The following PRKG1 variants were observed in gnomAD, a reference collection of about 807,000 sequenced individuals.
The protein encoded by PRKG1 is cGMP-dependent protein kinase 1.
In PRKG1, 35 loss-of-function variants were observed where a neutral mutation model predicts 88.1. That is an observed-to-expected ratio of 0.40 (90% CI 0.30 to 0.53). The LOEUF is 0.53. Ranked by LOEUF, PRKG1 falls within the 20% of genes least tolerant of loss-of-function variation. The pLI is 0.59. For synonymous variants in PRKG1, 303 were observed against 292.5 expected (o/e 1.04, Z -0.37); for missense variants, 540 against 839.8 (o/e 0.64, Z 4.41).
intron 5 of PRKG1, among the ~76,000 whole-genome samples, chr10:52,017,449 G>A (rs1482585282): frequency 1.3e-5 from 2 of 152,098 alleles, no homozygotes; most frequent in East Asian, 1.9e-4. Flanking sequence ...GAGATGCCAG[G>A]GAAAGAAGAT....
rs956425209 is a variant in PRKG1, at chr10:51,744,549, T to G, written c.593-60036T>G. Among the ~76,000 whole-genome samples, 5 of 152,248 alleles carry G rather than the reference T, an allele frequency of 3.3e-5. No individual in the cohort carries two copies. The East Asian group carries it at 9.6e-4, about 29-fold the overall frequency. On this transcript the variant is annotated intron_variant, in intron 3 of 17. Coordinates refer to ENST00000373980, the MANE Select transcript of PRKG1 (RefSeq NM_006258.4). ...CTCTCAGTATAGCTTTGTCCTACCC[T>G]TACATAAGAATAGTGATAGTTTTTT...
intron 3 of PRKG1, among the ~76,000 whole-genome samples, chr10:51,566,330 A>C (rs976194712): frequency 3.3e-5 from 5 of 152,082 alleles, no homozygotes; most frequent in African/African-American, 7.2e-5. Context: ...ATGGGCCTGC[A>C]GCAAAGACTT....
At chr10:51,826,334 T>G (rs759380496) in intron 4 of PRKG1, among the ~76,000 whole-genome samples, 4 of 152,178 alleles carry the variant, frequency 2.6e-5, no homozygotes, top group Non-Finnish European at 4.4e-5. Context: ...ATGCTGTGCA[T>G]ACATTTTTAA....
intron 5 of PRKG1, among the ~76,000 whole-genome samples, chr10:52,033,195 C>T (rs946753315): frequency 6.6e-6 from 1 of 152,286 alleles, no homozygotes; most frequent in East Asian, 1.9e-4. Flanking sequence ...TTCAGATTCC[C>T]TTCCTCTTGA....
chr10:52,216,086 A>C (rs568470061), intron 9 of PRKG1, among the ~76,000 whole-genome samples: 1 of 152,340 alleles, frequency 6.6e-6, no homozygotes, highest in Admixed American at 6.5e-5. Flanking sequence ...TACTGAAGTA[A>C]GAAGAGAGCT....
chr10:51,047,642 A>G (rs1031203525), intron 1 of PRKG1, among the ~76,000 whole-genome samples: 2 of 148,922 alleles, frequency 1.3e-5, no homozygotes, highest in East Asian at 2.0e-4. Flanking sequence ...AAAAGAGGAG[A>G]TGTTGCATCA....
At chr10:51,718,834 G>A (rs1841946328) in intron 3 of PRKG1, among the ~76,000 whole-genome samples, 1 of 133,034 alleles carries the variant, frequency 7.5e-6, no homozygotes. Context: ...TAGTTAATGA[G>A]TGCAAAAAAA....
intron 5 of PRKG1, among the ~76,000 whole-genome samples, chr10:51,936,945 A>G (rs1361340270): frequency 6.7e-6 from 1 of 148,176 alleles, no homozygotes; most frequent in Non-Finnish European, 1.5e-5. Context: ...TCTTGGAGGA[A>G]TTGATATAGT....
chr10:51,201,848 T>C (rs934709535), intron 2 of PRKG1, among the ~76,000 whole-genome samples: 3 of 152,234 alleles, frequency 2.0e-5, no homozygotes, highest in Non-Finnish European at 4.4e-5. Flanking sequence ...GAAATAAATG[T>C]CTGTTGTGTA....
intron 9 of PRKG1, among the ~76,000 whole-genome samples, chr10:52,236,194 A>C (rs2132364050): frequency 2.9e-5 from 1 of 35,010 alleles, no homozygotes; most frequent in African/African-American, 1.1e-4. Flanking sequence ...TATAGCACTA[A>C]ATGCCCACAA....
intron 3 of PRKG1, among the ~76,000 whole-genome samples, chr10:51,709,243 A>G (rs1267349689): frequency 6.6e-6 from 1 of 152,202 alleles, no homozygotes; most frequent in African/African-American, 2.4e-5. Flanking sequence ...ACCATATATA[A>G]TGCGTGATCT....
chr10:51,358,416 T>C (rs190425454), intron 2 of PRKG1, among the ~76,000 whole-genome samples: 1 of 152,030 alleles, frequency 6.6e-6, no homozygotes, highest in East Asian at 1.9e-4. Context: ...AACTCTCAAG[T>C]GTCAAGGAAT....
chr10:51,850,140 A>G (rs1840508666), intron 4 of PRKG1, among the ~76,000 whole-genome samples: 1 of 152,198 alleles, frequency 6.6e-6, no homozygotes, highest in Non-Finnish European at 1.5e-5. Flanking sequence ...TTCTACTTGT[A>G]CCCCAAAGTT....
chr10:52,141,333 G>A (rs1250543997), intron 8 of PRKG1, among the ~76,000 whole-genome samples: 2 of 152,102 alleles, frequency 1.3e-5, no homozygotes, highest in Non-Finnish European at 2.9e-5. Flanking sequence ...AACATTTGTG[G>A]TTTAAAGTCA....
chr10:52,125,594 T>C (rs767063125), intron 7 of PRKG1: 5 of 152,172 alleles, frequency 3.3e-5, no homozygotes, highest in Admixed American at 3.3e-4. Flanking sequence ...CACGTTTCTG[T>C]TTGTGTCTTC....
At chr10:52,087,617 G>T (rs1846949123) in intron 7 of PRKG1, among the ~76,000 whole-genome samples, 2 of 152,032 alleles carry the variant, frequency 1.3e-5, no homozygotes. Flanking sequence ...TTTTCTTACA[G>T]TACTTATATA....
At chr10:51,903,411 T>C (rs927519301) in intron 4 of PRKG1, among the ~76,000 whole-genome samples, 2 of 152,178 alleles carry the variant, frequency 1.3e-5, no homozygotes, top group African/African-American at 4.8e-5. Context: ...TAGGAGAATG[T>C]TTTTATTTTT....
chr10:51,011,518 T>G (rs933581145), intron 1 of PRKG1, among the ~76,000 whole-genome samples: 8 of 152,192 alleles, frequency 5.3e-5, no homozygotes, highest in Non-Finnish European at 8.8e-5. Flanking sequence ...AGAAGCATTT[T>G]TGAAAAGATT....
At chr10:52,084,569 CAT>C (rs1050582331) in intron 7 of PRKG1, among the ~76,000 whole-genome samples, 10 of 151,962 alleles carry the variant, frequency 6.6e-5, no homozygotes, top group East Asian at 5.8e-4. Flanking sequence ...TTGATATAAA[CAT>C]GTGTTTTTAT....
Sources: gnomAD v4.1 joint callset for allele counts (sites outside exome capture counted in the v4.1 genomes callset) on GRCh38, gnomAD v4.1.1 for gene constraint, MANE v1.5 for transcripts, NCBI Gene and HGNC (gene_info 2026-07-23, HGNC 2026-07-21) for gene names.